SLC38A12: variants seen among roughly 807,000 people sequenced by gnomAD.
SLC38A12 encodes the protein putative sodium-coupled neutral amino acid transporter 12.
the SLC38A12 span, among the ~76,000 whole-genome samples, chr17:74,784,242 G>A: frequency 6.6e-6 from 1 of 152,082 alleles, no homozygotes. Context: ...AGAAACAGGT[G>A]GTAAAGCATA....
the SLC38A12 span, chr17:74,819,651 T>C: frequency 8.4e-7 from 1 of 1,195,184 alleles, no homozygotes; most frequent in Non-Finnish European, 1.2e-6. Context: ...GGCCCGGCCT[T>C]AGCTATGGGC....
chr17:74,818,906 G>A, the SLC38A12 span, among the ~76,000 whole-genome samples: 1 of 152,322 alleles, frequency 6.6e-6, no homozygotes, highest in Middle Eastern at 3.4e-3. Context: ...TCTCTGCTCT[G>A]TCACATTTAC....
chr17:74,836,640 T>A, the SLC38A12 span: 1 of 1,612,154 alleles, frequency 6.2e-7, no homozygotes, highest in East Asian at 2.2e-5. This position sits in a 1 kb window ranked among gnomAD's most constrained non-coding sequence, Gnocchi z 4.2. Context: ...TTTCTCCTGC[T>A]TCATTTTCGT....
chr17:74,834,822 G>A, the SLC38A12 span, among the ~76,000 whole-genome samples: 2 of 152,238 alleles, frequency 1.3e-5, no homozygotes, highest in South Asian at 2.1e-4. Context: ...GAGAGAGCAG[G>A]GCTTGGTCAG....
the SLC38A12 span, among the ~76,000 whole-genome samples, chr17:74,809,843 C>T: frequency 3.3e-5 from 5 of 152,218 alleles, no homozygotes; most frequent in Non-Finnish European, 7.3e-5. Flanking sequence ...AACATTTTCA[C>T]AAGTATCTGA....
the SLC38A12 span, among the ~76,000 whole-genome samples, chr17:74,833,850 C>T: frequency 6.6e-6 from 1 of 152,158 alleles, no homozygotes; most frequent in African/African-American, 2.4e-5. Flanking sequence ...AGCAGCTGCC[C>T]CCATTGCCCT....
chr17:74,815,547 C>T, the SLC38A12 span, among the ~76,000 whole-genome samples: 1 of 152,318 alleles, frequency 6.6e-6, no homozygotes, highest in East Asian at 1.9e-4. Context: ...CGCCCTCACT[C>T]ACACGCTCCG....
At chr17:74,796,303 A>G in the SLC38A12 span, among the ~76,000 whole-genome samples, 2 of 152,182 alleles carry the variant, frequency 1.3e-5, no homozygotes, top group East Asian at 3.8e-4. Context: ...CTGTTGCAGT[A>G]TCTGTTAATA....
At chr17:74,837,789 C>CA in the SLC38A12 span, 1 of 985,838 alleles carries the variant, frequency 1.0e-6, no homozygotes, top group Non-Finnish European at 1.2e-6. Flanking sequence ...CTGGGAAACA[C>CA]AGGTGACTCG....
the SLC38A12 span, chr17:74,785,760 A>C: frequency 9.2e-7 from 1 of 1,091,106 alleles, no homozygotes; most frequent in African/African-American, 1.6e-5. Context: ...CAGAGAGGGG[A>C]AAGTGGTCAC....
the SLC38A12 span, among the ~76,000 whole-genome samples, chr17:74,797,525 C>T: frequency 6.6e-6 from 1 of 152,202 alleles, no homozygotes; most frequent in African/African-American, 2.4e-5. Context: ...CTTCTGTTTG[C>T]TCAGAGGCTT....
At chr17:74,807,615 G>A in the SLC38A12 span, among the ~76,000 whole-genome samples, 1 of 152,242 alleles carries the variant, frequency 6.6e-6, no homozygotes, top group Non-Finnish European at 1.5e-5. Flanking sequence ...CCCTCCGCAA[G>A]TGCCAGAGCA....
the SLC38A12 span, among the ~76,000 whole-genome samples, chr17:74,786,578 G>A: frequency 6.6e-6 from 1 of 152,212 alleles, no homozygotes; most frequent in East Asian, 1.9e-4. Flanking sequence ...GAGGGGACTA[G>A]GATGCCGGCT....
the SLC38A12 span, chr17:74,839,333 CA>C: frequency 4.4e-6 from 3 of 686,604 alleles, no homozygotes; most frequent in African/African-American, 3.6e-5. Context: ...GTGGGGAGGA[CA>C]GGGGCTGCTG....
chr17:74,777,052 AG>A, the SLC38A12 span, among the ~76,000 whole-genome samples: 3,542 of 152,310 alleles, frequency 0.023, 131 homozygotes, highest in African/African-American at 0.08. Flanking sequence ...GGCACAGAGC[AG>A]TGCCCTGCAC....
At chr17:74,838,250 C>T in the SLC38A12 span, 28 of 985,644 alleles carry the variant, frequency 2.8e-5, no homozygotes, top group South Asian at 4.7e-5. Flanking sequence ...TTTCCATCCA[C>T]GGGAAAAACA....
At chr17:74,778,269 G>A in the SLC38A12 span, among the ~76,000 whole-genome samples, 1 of 152,146 alleles carries the variant, frequency 6.6e-6, no homozygotes, top group Non-Finnish European at 1.5e-5. Context: ...TTACATCACA[G>A]GGCCCTCTTG....
the SLC38A12 span, chr17:74,835,958 C>T: frequency 1.2e-6 from 2 of 1,611,152 alleles, no homozygotes; most frequent in Middle Eastern, 3.3e-4. Context: ...TGGCCCTGAT[C>T]CGCATCGGGC....
chr17:74,837,503 G>T, the SLC38A12 span: 2 of 985,360 alleles, frequency 2.0e-6, no homozygotes, highest in Non-Finnish European at 2.4e-6. Flanking sequence ...CCTACTAGAG[G>T]GAAGCCATCC....
Sources: gnomAD v4.1 joint callset for allele counts (sites outside exome capture counted in the v4.1 genomes callset) on GRCh38, gnomAD v4.1.1 for gene constraint, Gnocchi (gnomAD v3.1) non-coding constraint, MANE v1.5 for transcripts, NCBI Gene and HGNC (gene_info 2026-07-23, HGNC 2026-07-21) for gene names.